Variants in ST8SIA6 observed in about 807,000 individuals in gnomAD.
ST8SIA6 encodes the protein ST8 alpha-N-acetyl-neuraminide alpha-2,8-sialyltransferase 6.
Under a neutral mutation model 33.6 loss-of-function variants are expected in ST8SIA6, and 39 were observed. That is an observed-to-expected ratio of 1.16 (90% CI 0.90 to 1.52). The LOEUF (loss-of-function observed/expected upper bound fraction) is 1.52, where lower values mean the gene tolerates loss of function less well. Ranked by LOEUF, ST8SIA6 falls within the 40% of genes most tolerant of loss-of-function variation. The pLI is 0.00. For missense variants in ST8SIA6, 441 were observed against 443.8 expected (o/e 0.99, Z 0.06); for synonymous variants, 172 against 167.2 (o/e 1.03, Z -0.22).
chr10:17,417,098 C>G (rs1399392554), intron 2 of ST8SIA6, among the ~76,000 whole-genome samples: 1 of 152,028 alleles, frequency 6.6e-6, no homozygotes, highest in African/African-American at 2.4e-5. Context: ...ATTCAGGAAG[C>G]TTATAATCAT....
intron 2 of ST8SIA6, among the ~76,000 whole-genome samples, chr10:17,405,878 C>G (rs927490023): frequency 1.4e-5 from 2 of 141,104 alleles, no homozygotes; most frequent in African/African-American, 5.7e-5. Context: ...GAGCAAGACT[C>G]CATTTCAAAA....
At chr10:17,448,595 ATTG>A (rs199508692) in intron 2 of ST8SIA6, among the ~76,000 whole-genome samples, 1 of 129,722 alleles carries the variant, frequency 7.7e-6, no homozygotes, top group African/African-American at 3.6e-5. Flanking sequence ...CAGGGTTTTT[ATTG>A]TTGTTGTTGT....
chr10:17,339,643 C>T (rs1848610540), intron 4 of ST8SIA6, among the ~76,000 whole-genome samples: 1 of 152,032 alleles, frequency 6.6e-6, no homozygotes, highest in African/African-American at 2.4e-5. Context: ...CTTCTTGCCT[C>T]ATTTGACATG....
chr10:17,344,130 A>G (rs1233285878), intron 4 of ST8SIA6, among the ~76,000 whole-genome samples: 3 of 152,214 alleles, frequency 2.0e-5, no homozygotes, highest in African/African-American at 7.2e-5. Flanking sequence ...ATACTGCCCT[A>G]TATCCCTCTA....
In ST8SIA6 at chr10:17,315,776, A is replaced by T. The variant is rs1296565991; in HGVS notation, c.*5102T>A. Among the ~76,000 whole-genome samples, 1 of 151,950 alleles carries T rather than the reference A, an allele frequency of 6.6e-6. No homozygotes were observed. The highest frequency in any genetic ancestry group is 1.5e-5 in the Non-Finnish European group (1 of 67,868). ...GGAGGAAGAAGAGGGAGGGATTACA[A>T]AGTAGCACAAGAAAACATTTTGGGG... is the stretch of plus-strand genomic sequence containing the variant. On this transcript the variant is annotated 3_prime_UTR_variant, in exon 8 of 8. Coordinates refer to ENST00000377602, the MANE Select transcript of ST8SIA6 (RefSeq NM_001004470.3).
intron 3 of ST8SIA6, among the ~76,000 whole-genome samples, chr10:17,390,079 T>C (rs1213929078): frequency 6.6e-6 from 1 of 152,154 alleles, no homozygotes; most frequent in Non-Finnish European, 1.5e-5. Context: ...AACCTTGAAT[T>C]CCTGGGTTCA....
At chr10:17,432,562 CAT>C (rs771251862) in intron 2 of ST8SIA6, among the ~76,000 whole-genome samples, 2 of 152,172 alleles carry the variant, frequency 1.3e-5, no homozygotes, top group African/African-American at 2.4e-5. Context: ...AATGCAGTTG[CAT>C]ATGAGTTCAC....
chr10:17,347,519 A>T (rs1356223560), intron 4 of ST8SIA6, among the ~76,000 whole-genome samples: 1 of 151,910 alleles, frequency 6.6e-6, no homozygotes, highest in Non-Finnish European at 1.5e-5. Flanking sequence ...AAAAAACGGG[A>T]TCACGTTGCA....
In ST8SIA6 at chr10:17,331,481, G is replaced by C; in HGVS notation, c.449C>G (p.Thr150Ser). 1 of 1,613,658 alleles carries C rather than the reference G, an allele frequency of 6.2e-7. No homozygotes were observed. The highest frequency in any genetic ancestry group is 8.5e-7 in the Non-Finnish European group (1 of 1,179,860). Residue 150 changes from threonine (T) to serine (S), a missense_variant, in exon 5 of 8, where the codon ACT becomes AGT. Coordinates refer to ENST00000377602, the MANE Select transcript of ST8SIA6 (RefSeq NM_001004470.3). ...VVSQNNTPVG[T>S]NMSYEVESKK... ...GCTTTCCACCTCGTAACTCATATTA[G>C]TCCCAACTGGAGTGTTATTCTGAGA...
intron 2 of ST8SIA6, among the ~76,000 whole-genome samples, chr10:17,434,213 A>G (rs1232206948): frequency 6.6e-6 from 1 of 152,208 alleles, no homozygotes; most frequent in Non-Finnish European, 1.5e-5. Flanking sequence ...GACTATGTCC[A>G]CAGATTCTGA....
Position 17,327,009 on chromosome 10 carries a change from C to CT in ST8SIA6, c.635+4dup. Reference sequence around the variant, plus strand: ...TTTCAAAGAAACCAATTTGTCAGGTCTTACCTAAAAACGAAGTCGGATTTA... The same window carrying CT: ...TTTCAAAGAAACCAATTTGTCAGGTCTTTACCTAAAAACGAAGTCGGATTTA... On this transcript the variant is annotated splice_donor_region_variant and intron_variant, in intron 6 of 7. Coordinates refer to ENST00000377602, the MANE Select transcript of ST8SIA6 (RefSeq NM_001004470.3). 1 of 1,590,926 alleles carries CT rather than the reference C, an allele frequency of 6.3e-7. No individual in the cohort carries two copies. The highest frequency in any genetic ancestry group is 1.2e-5 in the South Asian group (1 of 86,870).
intron 2 of ST8SIA6, among the ~76,000 whole-genome samples, chr10:17,448,363 C>T (rs1395633649): frequency 4.6e-5 from 7 of 152,116 alleles, no homozygotes; most frequent in South Asian, 2.1e-4. Context: ...CAGGACGTCA[C>T]GGCCAGCCAC....
intron 3 of ST8SIA6, among the ~76,000 whole-genome samples, chr10:17,374,617 G>C (rs1005110595): frequency 8.6e-5 from 13 of 151,778 alleles, no homozygotes; most frequent in African/African-American, 3.1e-4. Context: ...GGGAGGCGGA[G>C]GTAGGAGAAT....
intron 2 of ST8SIA6, chr10:17,408,215 C>T (rs201792857): frequency 2.6e-5 from 4 of 152,536 alleles, no homozygotes; most frequent in East Asian, 3.9e-4. Context: ...GAAACCCTGT[C>T]GCTTCTGAGA....
In ST8SIA6 at chr10:17,319,128, T is replaced by C. The variant is rs1847861645; in HGVS notation, c.*1750A>G. Among the ~76,000 whole-genome samples the C allele has an allele frequency of 6.6e-6, 1 of 152,210 alleles. No homozygotes were observed. Among genetic ancestry groups the C allele is most frequent in the Non-Finnish European group, 1.5e-5 (1 of 68,030 alleles). On this transcript the variant is annotated 3_prime_UTR_variant, in exon 8 of 8. Coordinates refer to ENST00000377602, the MANE Select transcript of ST8SIA6 (RefSeq NM_001004470.3). Reference sequence around the variant, plus strand: ...AGATAAAAAGAATGCACATGTTATATGTGTCACAATGAATGTGTCTAAATA... The same window carrying C: ...AGATAAAAAGAATGCACATGTTATACGTGTCACAATGAATGTGTCTAAATA...
intron 4 of ST8SIA6, among the ~76,000 whole-genome samples, chr10:17,353,921 T>C (rs1849110380): frequency 6.6e-6 from 1 of 152,184 alleles, no homozygotes; most frequent in African/African-American, 2.4e-5. Flanking sequence ...TAATAGTGTG[T>C]GTATTTCGGG....
At chr10:17,428,179 A>T (rs4747308) in intron 2 of ST8SIA6, among the ~76,000 whole-genome samples, 5,530 of 152,286 alleles carry the variant, frequency 0.036, 228 homozygotes, top group African/African-American at 0.085. Context: ...AACCTGGAAC[A>T]TGTATTCCAT....
At chr10:17,391,244 GTTTAT>G (rs1221915073) in intron 2 of ST8SIA6, among the ~76,000 whole-genome samples, 2 of 151,772 alleles carry the variant, frequency 1.3e-5, no homozygotes, top group Non-Finnish European at 2.9e-5. Flanking sequence ...ATCACTGTGT[GTTTAT>G]TTTATTTTTA....
chr10:17,400,173 G>C (rs1290854559), intron 2 of ST8SIA6, among the ~76,000 whole-genome samples: 2 of 152,142 alleles, frequency 1.3e-5, no homozygotes, highest in Non-Finnish European at 2.9e-5. Flanking sequence ...ATTTTGCATT[G>C]CTATCAGTTA....
Sources: gnomAD v4.1 joint callset for allele counts (sites outside exome capture counted in the v4.1 genomes callset) on GRCh38, gnomAD v4.1.1 for gene constraint, MANE v1.5 for transcripts, NCBI Gene and HGNC (gene_info 2026-07-23, HGNC 2026-07-21) for gene names.